RBMS3: variants seen among roughly 807,000 people sequenced by gnomAD.
RBMS3 encodes RNA binding motif single stranded interacting protein 3, also known as RNA-binding motif, single-stranded-interacting protein 3.
In RBMS3, 27 loss-of-function variants were observed where a neutral mutation model predicts 66.8. That is an observed-to-expected ratio of 0.40 (90% CI 0.30 to 0.56). The LOEUF (loss-of-function observed/expected upper bound fraction) is 0.56, where lower values mean the gene tolerates loss of function less well. Among genes scored for constraint, RBMS3 ranks in the 20% least tolerant of loss-of-function variants. The pLI is 0.40. For synonymous variants in RBMS3, 188 were observed against 183.0 expected, an observed-to-expected ratio of 1.03 and a Z score of -0.22; for missense variants, 513 against 549.5, an observed-to-expected ratio of 0.93 and a Z score of 0.66.
chr3:29,545,221 C>T (rs1559455808), intron 3 of RBMS3, among the ~76,000 whole-genome samples: 1 of 151,918 alleles, frequency 6.6e-6, no homozygotes, highest in African/African-American at 2.4e-5. Flanking sequence ...CATAATGCAT[C>T]CTTAATTGGA....
chr3:29,934,625 A>G (rs376635309), intron 10 of RBMS3, among the ~76,000 whole-genome samples: 6 of 152,292 alleles, frequency 3.9e-5, no homozygotes, highest in African/African-American at 9.6e-5. Flanking sequence ...AGAAATTCAA[A>G]CAACACAAAT....
chr3:29,563,515 C>T (rs1008324203), intron 3 of RBMS3, among the ~76,000 whole-genome samples: 1 of 152,140 alleles, frequency 6.6e-6, no homozygotes, highest in Non-Finnish European at 1.5e-5. Context: ...GCAATTCTTA[C>T]ATCTTTGATC....
chr3:29,782,402 C>T (rs539181555), intron 6 of RBMS3, among the ~76,000 whole-genome samples: 25 of 152,296 alleles, frequency 1.6e-4, no homozygotes, highest in South Asian at 1.0e-3. Flanking sequence ...CTGGGAGCTC[C>T]GCTGGGTGGC....
rs116566546 is a variant in RBMS3, at chr3:29,887,853, G to C, written c.791+3645G>C. ...AATGCGCAATTTAAAATTCTACAAA[G>C]ACATAATTTCCCAAATACTCACCCT... On this transcript the variant is annotated intron_variant, in intron 8 of 14. Coordinates refer to ENST00000383767, the MANE Select transcript of RBMS3 (RefSeq NM_001003793.3). Among the ~76,000 whole-genome samples, 903 of 151,832 alleles carry C rather than the reference G, an allele frequency of 5.9e-3. 6 individuals carry two copies. Among genetic ancestry groups the C allele is most frequent in the African/African-American group, 0.02 (811 of 41,464 alleles).
chr3:29,379,101 T>C (rs796787734), intron 1 of RBMS3, among the ~76,000 whole-genome samples: 14 of 152,316 alleles, frequency 9.2e-5, no homozygotes, highest in African/African-American at 3.1e-4. Flanking sequence ...TTGAGTTTCC[T>C]GAGCACTGAA....
At chr3:29,295,346 C>T (rs2196549) in intron 1 of RBMS3, among the ~76,000 whole-genome samples, 53 of 124,638 alleles carry the variant, frequency 4.3e-4, no homozygotes, top group African/African-American at 1.4e-3. Flanking sequence ...TATATATATA[C>T]ATATATATAT....
At position 29,576,713 on chromosome 3, in the gene RBMS3, C is replaced by T. The variant is rs145237262; in HGVS notation, c.308-10401C>T. Among the ~76,000 whole-genome samples, 6 of 152,288 alleles carry T rather than the reference C, an allele frequency of 3.9e-5. No individual in the cohort carries two copies. In the East Asian group the frequency reaches 1.2e-3, roughly 29 times the overall value. On this transcript the variant is annotated intron_variant, in intron 3 of 14. Transcript: ENST00000383767. Reference sequence around the variant, plus strand: ...AGTCCACAATATAAAGTTCTTTCCACTCTTCCCCTTTCCACAGGCAGAGGA... The same window carrying T: ...AGTCCACAATATAAAGTTCTTTCCATTCTTCCCCTTTCCACAGGCAGAGGA...
intron 1 of RBMS3, among the ~76,000 whole-genome samples, chr3:29,399,930 G>T (rs912807251): frequency 7.9e-5 from 12 of 151,960 alleles, no homozygotes; most frequent in Non-Finnish European, 1.6e-4. Context: ...TTTTAGAATG[G>T]TCAAGAGATA....
At chr3:29,334,872 T>G (rs1472574820) in intron 1 of RBMS3, among the ~76,000 whole-genome samples, 1 of 152,214 alleles carries the variant, frequency 6.6e-6, no homozygotes, top group African/African-American at 2.4e-5. Context: ...TGTATAATTC[T>G]TCTTCGCATG....
At chr3:29,815,586 A>G (rs527434597) in intron 6 of RBMS3, among the ~76,000 whole-genome samples, 35 of 152,172 alleles carry the variant, frequency 2.3e-4, no homozygotes, top group Non-Finnish European at 4.3e-4. Flanking sequence ...TATATACACC[A>G]TGGAATAATA....
intron 10 of RBMS3, among the ~76,000 whole-genome samples, chr3:29,901,119 T>A (rs552519799): frequency 6.6e-6 from 1 of 151,898 alleles, no homozygotes; most frequent in African/African-American, 2.4e-5. Flanking sequence ...CTTGAGGGCT[T>A]TCTGAGTTCA....
intron 10 of RBMS3, chr3:29,933,888 GA>G (rs2061194797): frequency 6.6e-6 from 1 of 152,042 alleles, no homozygotes; most frequent in African/African-American, 2.4e-5. Context: ...TGCTTTCAAT[GA>G]AAAGATTCTG....
At chr3:29,603,606 C>T (rs1002852567) in intron 4 of RBMS3, among the ~76,000 whole-genome samples, 9 of 151,990 alleles carry the variant, frequency 5.9e-5, no homozygotes, top group Non-Finnish European at 1.3e-4. Flanking sequence ...AGCTACCTCC[C>T]TCTTTTGTTT....
At chr3:29,314,010 A>G (rs868603728) in intron 1 of RBMS3, among the ~76,000 whole-genome samples, 60 of 151,660 alleles carry the variant, frequency 4.0e-4, no homozygotes, top group African/African-American at 1.5e-3. Context: ...TTGCTTGGGC[A>G]TTGGCAAATT....
intron 4 of RBMS3, among the ~76,000 whole-genome samples, chr3:29,606,108 T>C (rs944680279): frequency 6.6e-6 from 1 of 151,764 alleles, no homozygotes; most frequent in Non-Finnish European, 1.5e-5. Context: ...TCCAGTACTG[T>C]GAGGTTGCAG....
At chr3:29,357,451 G>T (rs9831331) in intron 1 of RBMS3, among the ~76,000 whole-genome samples, 96,738 of 151,988 alleles carry the variant, frequency 0.64, 30,914 homozygotes, top group African/African-American at 0.69. Context: ...TCTATCATTG[G>T]TGGACATTTG....
intron 6 of RBMS3, among the ~76,000 whole-genome samples, chr3:29,833,127 G>A (rs1387371016): frequency 6.6e-6 from 1 of 152,174 alleles, no homozygotes; most frequent in Non-Finnish European, 1.5e-5. Flanking sequence ...CATGGAAAAT[G>A]TCTAAGAGTA....
intron 6 of RBMS3, among the ~76,000 whole-genome samples, chr3:29,845,863 AG>A (rs1293654979): frequency 6.6e-6 from 1 of 152,194 alleles, no homozygotes; most frequent in Non-Finnish European, 1.5e-5. Flanking sequence ...CTGAAGAAGC[AG>A]TGTTTCAGCT....
At chr3:29,371,182 T>A (rs1279351466) in intron 1 of RBMS3, among the ~76,000 whole-genome samples, 2 of 152,218 alleles carry the variant, frequency 1.3e-5, no homozygotes, top group African/African-American at 4.8e-5. Flanking sequence ...CACTCATACC[T>A]GTGGTTTCTG....
Sources: allele counts gnomAD v4.1 joint callset (sites outside exome capture counted in the v4.1 genomes callset), GRCh38; gene constraint gnomAD v4.1.1; transcripts MANE v1.5; gene names NCBI Gene and HGNC (gene_info 2026-07-23, HGNC 2026-07-21).